ZNF343: variants seen among roughly 807,000 people sequenced by gnomAD.
The protein encoded by ZNF343 is zinc finger protein 343.
A neutral mutation model predicts 13.8 loss-of-function variants in ZNF343; 11 were observed. That is an observed-to-expected ratio of 0.80 (90% CI 0.50 to 1.32). ZNF343 has a LOEUF of 1.32. ZNF343 is among the 40% of genes most tolerant of loss of function. ZNF343 has a pLI of 0.00. For synonymous variants in ZNF343, 248 were observed against 260.0 expected, an observed-to-expected ratio of 0.95 and a Z score of 0.44; for missense variants, 658 against 714.2, an observed-to-expected ratio of 0.92 and a Z score of 0.90.
At chr20:2,498,297 G>A (rs542993600) in intron 2 of ZNF343, among the ~76,000 whole-genome samples, 10 of 152,258 alleles carry the variant, frequency 6.6e-5, no homozygotes, top group South Asian at 6.2e-4. Context: ...CGGAGGTTGC[G>A]GTGAGCCGAG....
At chr20:2,516,859 A>G (rs2085761512) in intron 1 of ZNF343, among the ~76,000 whole-genome samples, 1 of 152,044 alleles carries the variant, frequency 6.6e-6, no homozygotes, top group African/African-American at 2.4e-5. Context: ...GTGTTAGGGT[A>G]AAGGTGGGCG....
chr20:2,512,961 G>A (rs1352776519), upstream of ZNF343, among the ~76,000 whole-genome samples: 1 of 151,666 alleles, frequency 6.6e-6, no homozygotes, highest in African/African-American at 2.4e-5. Context: ...ATAGCTGGGT[G>A]TGGTGGCAGG....
At chr20:2,488,695 T>C (rs1490385141) in intron 5 of ZNF343, among the ~76,000 whole-genome samples, 2 of 152,198 alleles carry the variant, frequency 1.3e-5, no homozygotes, top group Non-Finnish European at 2.9e-5. Context: ...TATTGGGACA[T>C]GTTAACTTTA....
At chr20:2,524,816 C>T (rs1291079354), upstream of ZNF343, 1 of 152,344 alleles carries the variant, frequency 6.6e-6, no homozygotes, top group Admixed American at 6.5e-5. Flanking sequence ...GCGAGAGTCT[C>T]GCTGTGTCAC....
Position 2,484,116 on chromosome 20 carries a change from G to T in ZNF343, c.845C>A (p.Ser282Ter). The T allele has an allele frequency of 6.2e-7, 1 of 1,614,250 alleles. No homozygotes were observed. The highest frequency in any genetic ancestry group is 1.1e-5 in the South Asian group (1 of 91,088). ...SDCGRSFKDRSTLIRHHRIHS... is the reference protein window; with the variant it reads ...SDCGRSFKDR ...TATACGATGGTGTCTGATGAGGGTT[G>T]ATCTATCTTTAAAGCTTCGCCCACA... is the stretch of plus-strand genomic sequence containing the variant. The change falls in exon 6 of 6, where the codon TCA becomes TAA. Residue 282 changes from serine to a stop codon, truncating the protein, a stop_gained. Coordinates refer to ENST00000278772, the MANE Select transcript of ZNF343 (RefSeq NM_024325.6). LOFTEE classifies it low-confidence loss of function (END_TRUNC).
intron 2 of ZNF343, among the ~76,000 whole-genome samples, chr20:2,499,003 A>G (rs1005249867): frequency 6.6e-6 from 1 of 152,044 alleles, no homozygotes; most frequent in African/African-American, 2.4e-5. Context: ...CCACGCCCAG[A>G]TAATTTTTCT....
chr20:2,493,068 G>A (rs2085393333), intron 4 of ZNF343: 8 of 531,036 alleles, frequency 1.5e-5, no homozygotes, highest in Middle Eastern at 5.1e-4. Context: ...TTTCACCGGA[G>A]AAATGATTTG....
At chr20:2,522,933 G>A (rs1242254498) in intron 1 of ZNF343, among the ~76,000 whole-genome samples, 1 of 152,182 alleles carries the variant, frequency 6.6e-6, no homozygotes, top group Non-Finnish European at 1.5e-5. Flanking sequence ...CTTGAATAGG[G>A]GCTGGGTAAA....
intron 1 of ZNF343, among the ~76,000 whole-genome samples, chr20:2,507,487 T>C (rs2085682312): frequency 6.6e-6 from 1 of 152,192 alleles, no homozygotes; most frequent in Non-Finnish European, 1.5e-5. Context: ...CTTACTAAAC[T>C]CTTACTGTAT....
At chr20:2,493,656 C>T (rs1376233585) in intron 3 of ZNF343, 79 bp from the exon 4 acceptor site, 1 of 1,045,200 alleles carries the variant, frequency 9.6e-7, no homozygotes, top group African/African-American at 1.8e-5. Flanking sequence ...CTGAGCAGCT[C>T]TTCTGAGCCT....
chr20:2,511,174 T>C (rs980680182), upstream of ZNF343, among the ~76,000 whole-genome samples: 1 of 151,840 alleles, frequency 6.6e-6, no homozygotes, highest in African/African-American at 2.4e-5. Context: ...TGCGGTGGCA[T>C]GATCACCGCT....
At position 2,508,460 on chromosome 20, in the gene ZNF343, A is replaced by G. The variant is rs2085703702; in HGVS notation, c.-237+421T>C. ...AAACCACCCAGGGATGTGCGGACCT[A>G]GCCACGTCCCCACCCCAGCCGCGGG... On this transcript the variant is annotated intron_variant, in intron 1 of 5. Coordinates refer to ENST00000278772, the MANE Select transcript of ZNF343 (RefSeq NM_024325.6). The surrounding 1 kb of genome is among the most constrained non-coding windows in gnomAD (Gnocchi z 4.5). 6.6e-6 allele frequency among the ~76,000 whole-genome samples: 1 copy of G among 152,132 alleles called. No individual in the cohort carries two copies.
intron 1 of ZNF343, among the ~76,000 whole-genome samples, chr20:2,505,361 T>C (rs1224918143): frequency 4.6e-5 from 7 of 152,160 alleles, no homozygotes; most frequent in Non-Finnish European, 1.0e-4. Flanking sequence ...ATTGTGAAAA[T>C]GGCCATACTG....
intron 1 of ZNF343, among the ~76,000 whole-genome samples, chr20:2,507,568 A>G (rs1206151062): frequency 2.6e-5 from 4 of 152,180 alleles, no homozygotes; most frequent in Non-Finnish European, 1.5e-5. Flanking sequence ...ACCTTCCTCA[A>G]ATTGACAATG....
chr20:2,490,882 AAC>A (rs1283741252), intron 5 of ZNF343, among the ~76,000 whole-genome samples: 1 of 152,202 alleles, frequency 6.6e-6, no homozygotes, highest in Non-Finnish European at 1.5e-5. Flanking sequence ...TAAAAGGAAA[AAC>A]ACACACAGAA....
intron 1 of ZNF343, among the ~76,000 whole-genome samples, chr20:2,524,009 A>G: frequency 6.9e-6 from 1 of 144,598 alleles, no homozygotes; most frequent in Admixed American, 7.0e-5. Flanking sequence ...TCGAAGTGTG[A>G]TTCTGAGCCT....
intron 1 of ZNF343, among the ~76,000 whole-genome samples, chr20:2,514,077 A>T (rs1033599170): frequency 2.6e-5 from 4 of 152,222 alleles, no homozygotes; most frequent in African/African-American, 4.8e-5. Context: ...GGAGAATCAC[A>T]TAAAAGGAAA....
At position 2,518,702 on chromosome 20, in the gene ZNF343, T is replaced by G. The variant is rs2085770346; in HGVS notation, c.-347+5753A>C. On this transcript the variant is annotated intron_variant, in intron 1 of 6. Coordinates refer to the ZNF343 transcript ENST00000358413. The surrounding 1 kb of genome is among the most constrained non-coding windows in gnomAD (Gnocchi z 4.6). ...CTTCACATCCACTCAATACCTATGC[T>G]CTGACAATCACCCACACACCACCTA... 6.6e-6 allele frequency among the ~76,000 whole-genome samples: 1 copy of G among 152,170 alleles called. No homozygotes were observed. The highest frequency in any genetic ancestry group is 1.5e-5 in the Non-Finnish European group (1 of 68,028).
chr20:2,500,412 G>A (rs2085540224), intron 2 of ZNF343, among the ~76,000 whole-genome samples: 1 of 152,204 alleles, frequency 6.6e-6, no homozygotes, highest in Non-Finnish European at 1.5e-5. Context: ...GAATCCAGCA[G>A]CCAAGATGAA....
Sources: allele counts gnomAD v4.1 joint callset (sites outside exome capture counted in the v4.1 genomes callset), GRCh38; gene constraint gnomAD v4.1.1; non-coding constraint Gnocchi (gnomAD v3.1); transcripts MANE v1.5; gene names NCBI Gene and HGNC (gene_info 2026-07-23, HGNC 2026-07-21).